The following ZFPM2 variants were observed in gnomAD, a reference collection of about 807,000 sequenced individuals.
ZFPM2 encodes the protein zinc finger protein, FOG family member 2.
Under a neutral mutation model 98.6 loss-of-function variants are expected in ZFPM2, and 20 were observed. The observed-to-expected ratio is 0.20, with a 90% confidence interval of 0.14 to 0.29. ZFPM2 has a LOEUF of 0.29. Among genes scored for constraint, ZFPM2 ranks in the 10% least tolerant of loss-of-function variants. ZFPM2 has a pLI of 1.00. For missense variants in ZFPM2, 1,310 were observed against 1,388.6 expected, an observed-to-expected ratio of 0.94 and a Z score of 0.90; for synonymous variants, 518 against 502.7, an observed-to-expected ratio of 1.03 and a Z score of -0.41.
chr8:105,471,860 AT>A (rs1812910460), intron 3 of ZFPM2, among the ~76,000 whole-genome samples: 1 of 152,088 alleles, frequency 6.6e-6, no homozygotes, highest in African/African-American at 2.4e-5. Flanking sequence ...GGAGACCTGC[AT>A]GGTCTCCTTA....
intron 1 of ZFPM2, among the ~76,000 whole-genome samples, chr8:105,380,864 A>G (rs1391051617): frequency 3.3e-5 from 3 of 90,022 alleles, no homozygotes; most frequent in African/African-American, 1.4e-4. Context: ...TATATAATAT[A>G]TAATATATAT....
At chr8:105,502,961 G>T (rs1278653192) in intron 3 of ZFPM2, among the ~76,000 whole-genome samples, 1 of 152,100 alleles carries the variant, frequency 6.6e-6, no homozygotes, top group Admixed American at 6.5e-5. Flanking sequence ...TGATGAAGAT[G>T]GAATTGGACT....
intron 4 of ZFPM2, among the ~76,000 whole-genome samples, chr8:105,582,983 C>A (rs1224457009): frequency 6.6e-6 from 1 of 152,136 alleles, no homozygotes; most frequent in Non-Finnish European, 1.5e-5. Context: ...GTTAGCAACA[C>A]CTGGTTAATT....
At chr8:105,735,704 CTT>C (rs992302149) in intron 5 of ZFPM2, among the ~76,000 whole-genome samples, 11 of 151,868 alleles carry the variant, frequency 7.2e-5, no homozygotes, top group African/African-American at 2.4e-4. Context: ...TAAATATATA[CTT>C]TGAGTCATTT....
At position 105,516,699 on chromosome 8, in the gene ZFPM2, C is replaced by G. The variant is rs112659917; in HGVS notation, c.302-44664C>G. Among the ~76,000 whole-genome samples, 237 of 152,114 alleles carry G rather than the reference C, an allele frequency of 1.6e-3. 3 individuals are homozygous for G. Among genetic ancestry groups the G allele is most frequent in the African/African-American group, 5.4e-3 (224 of 41,518 alleles). On this transcript the variant is annotated intron_variant, in intron 3 of 7. Transcript: ENST00000407775. The stretch of plus-strand genomic sequence containing the variant: ...CTACTGGACTAATTGCTTCCCTTTT[C>G]TTTTTTTGGCGAGGGTTGCTGTTCT...
intron 3 of ZFPM2, among the ~76,000 whole-genome samples, chr8:105,476,493 A>G (rs954201660): frequency 6.6e-6 from 1 of 152,076 alleles, no homozygotes; most frequent in Non-Finnish European, 1.5e-5. Flanking sequence ...AAAAACATGC[A>G]CGAAACCAGC....
At position 105,525,021 on chromosome 8, in the gene ZFPM2, C is replaced by T. The variant is rs377542400; in HGVS notation, c.302-36342C>T. Among the ~76,000 whole-genome samples the T allele has an allele frequency of 5.9e-5, 9 of 152,214 alleles. No individual in the cohort carries two copies. In the South Asian group the frequency reaches 1.2e-3, roughly 21 times the overall value. On this transcript the variant is annotated intron_variant, in intron 3 of 7. Transcript: ENST00000407775. ...AAATACTGTGACATTTCTTCTTCCA[C>T]GGGAAAATTTTCAATCACAATCTTC... is the stretch of plus-strand genomic sequence containing the variant.
rs72671697 is a variant in ZFPM2 at position 105,457,562 on chromosome 8, A to G, written c.301+13181A>G. On this transcript the variant is annotated intron_variant, in intron 3 of 7. Coordinates refer to ENST00000407775, the MANE Select transcript of ZFPM2 (RefSeq NM_012082.4). ...AGAGGCATTCACAGTGTGCAGTGTG[A>G]TGCTGGTGGTAAGACTTGATGCTGA... Among the ~76,000 whole-genome samples the G allele has an allele frequency of 9.0e-3, 1,368 of 152,318 alleles. 12 individuals carry two copies. The highest frequency in any genetic ancestry group is 0.015 in the Non-Finnish European group (1,041 of 68,036).
At chr8:105,669,429 T>A (rs1488510334) in intron 5 of ZFPM2, among the ~76,000 whole-genome samples, 2 of 150,394 alleles carry the variant, frequency 1.3e-5, no homozygotes, top group African/African-American at 4.9e-5. Context: ...ATATATATAT[T>A]TATATATATA....
At chr8:105,660,667 C>T (rs2130885484) in intron 5 of ZFPM2, among the ~76,000 whole-genome samples, 1 of 152,196 alleles carries the variant, frequency 6.6e-6, no homozygotes, top group African/African-American at 2.4e-5. Context: ...AATAACTATG[C>T]TAAATTTGCT....
chr8:105,775,772 A>C (rs1487472585), intron 5 of ZFPM2, among the ~76,000 whole-genome samples: 1 of 152,098 alleles, frequency 6.6e-6, no homozygotes, highest in Middle Eastern at 3.2e-3. Context: ...TCCGCAAAGC[A>C]CTCAGGGCAC....
At chr8:105,515,935 G>A (rs75117747) in intron 3 of ZFPM2, among the ~76,000 whole-genome samples, 1 of 26,710 alleles carries the variant, frequency 3.7e-5, no homozygotes, top group Non-Finnish European at 1.0e-4. Flanking sequence ...TTTTTTTTTT[G>A]AGATGGAGTT....
chr8:105,588,931 C>T (rs1208364737), intron 4 of ZFPM2, among the ~76,000 whole-genome samples: 3 of 152,104 alleles, frequency 2.0e-5, no homozygotes, highest in Admixed American at 6.5e-5. Flanking sequence ...GGTCACAAAC[C>T]GAAGTCAGAG....
chr8:105,546,734 A>G (rs908295788), intron 3 of ZFPM2, among the ~76,000 whole-genome samples: 2 of 152,172 alleles, frequency 1.3e-5, no homozygotes, highest in African/African-American at 2.4e-5. Flanking sequence ...TTCCACGGCA[A>G]GTAGCAACCA....
At chr8:105,703,910 A>T (rs1273711146) in intron 5 of ZFPM2, among the ~76,000 whole-genome samples, 1 of 152,026 alleles carries the variant, frequency 6.6e-6, no homozygotes, top group African/African-American at 2.4e-5. Context: ...TATGAAGAGG[A>T]ATGCTGTTAC....
intron 3 of ZFPM2, among the ~76,000 whole-genome samples, chr8:105,498,680 C>T (rs2130460875): frequency 6.6e-6 from 1 of 152,246 alleles, no homozygotes; most frequent in East Asian, 1.9e-4. Context: ...GAGGGAAGAG[C>T]ATATGCAAAG....
intron 5 of ZFPM2, among the ~76,000 whole-genome samples, chr8:105,718,378 C>T (rs1412742383): frequency 2.0e-5 from 3 of 151,844 alleles, no homozygotes; most frequent in Non-Finnish European, 4.4e-5. Context: ...TTCACCACCC[C>T]CCAAAAAATG....
At chr8:105,330,553 CATA>C (rs1812195463) in intron 1 of ZFPM2, among the ~76,000 whole-genome samples, 1 of 92,410 alleles carries the variant, frequency 1.1e-5, no homozygotes, top group African/African-American at 3.8e-5. Flanking sequence ...TATATATATA[CATA>C]TATATATATA....
At chr8:105,458,461 A>G (rs1258111973) in intron 3 of ZFPM2, among the ~76,000 whole-genome samples, 1 of 152,160 alleles carries the variant, frequency 6.6e-6, no homozygotes, top group Non-Finnish European at 1.5e-5. Flanking sequence ...TACCTTTTCC[A>G]TATTAATCAA....
Sources: gnomAD v4.1 joint callset for allele counts (sites outside exome capture counted in the v4.1 genomes callset) on GRCh38, gnomAD v4.1.1 for gene constraint, MANE v1.5 for transcripts, NCBI Gene and HGNC (gene_info 2026-07-23, HGNC 2026-07-21) for gene names.